CLIC5: variants seen among roughly 807,000 people sequenced by gnomAD.
CLIC5 encodes CLIC family member 5, also known as chloride intracellular channel protein 5.
In CLIC5, 20 loss-of-function variants were observed where a neutral mutation model predicts 24.7. The observed-to-expected ratio is 0.81, with a 90% CI of 0.57 to 1.18. The LOEUF is 1.18. Ranked by LOEUF, CLIC5 falls within the 50% of genes most tolerant of loss-of-function variation. The probability of loss-of-function intolerance (pLI) is 0.00; values close to 1 mark genes in which losing one functional copy is unlikely to be tolerated. For missense variants in CLIC5, 341 were observed against 326.1 expected (o/e 1.05, Z -0.35); for synonymous variants, 159 against 135.6 (o/e 1.17, Z -1.20).
At chr6:46,114,097 C>A in the CLIC5 span, among the ~76,000 whole-genome samples, 1 of 152,180 alleles carries the variant, frequency 6.6e-6, no homozygotes, top group Non-Finnish European at 1.5e-5. Context: ...AAAGATGAGG[C>A]AGAATGGGCT....
intron 1 of CLIC5, among the ~76,000 whole-genome samples, chr6:46,077,594 T>G (rs952460956): frequency 6.6e-6 from 1 of 152,048 alleles, no homozygotes; most frequent in Admixed American, 6.6e-5. Context: ...GTAAGGAACT[T>G]CAGTGAAGAT....
intron 1 of CLIC5, among the ~76,000 whole-genome samples, chr6:46,004,877 C>A (rs1766494283): frequency 6.6e-6 from 1 of 152,202 alleles, no homozygotes; most frequent in Non-Finnish European, 1.5e-5. Flanking sequence ...GGGCCAAGGA[C>A]ATATGGCTCC....
At chr6:45,984,362 T>C (rs964468663) in intron 1 of CLIC5, among the ~76,000 whole-genome samples, 13 of 152,218 alleles carry the variant, frequency 8.5e-5, no homozygotes, top group African/African-American at 2.9e-4. Flanking sequence ...GGACTCACCA[T>C]GTTGGGGTGG....
At chr6:45,961,970 G>T (rs1166266559) in intron 1 of CLIC5, among the ~76,000 whole-genome samples, 1 of 151,448 alleles carries the variant, frequency 6.6e-6, no homozygotes, top group African/African-American at 2.4e-5. Flanking sequence ...AAGAATTCTA[G>T]GTATATTGGT....
At chr6:45,956,582 C>G in intron 1 of CLIC5, among the ~76,000 whole-genome samples, 1 of 151,524 alleles carries the variant, frequency 6.6e-6, no homozygotes. Flanking sequence ...GATGGGGAGG[C>G]AGCGATGCCT....
chr6:45,881,082 T>A, exon 7 of CLIC5: 2 of 398,420 alleles, frequency 5.0e-6, no homozygotes, highest in Non-Finnish European at 8.9e-6. Context: ...ATTTAGAAAT[T>A]TCAGTAGAAA....
intron 1 of CLIC5, among the ~76,000 whole-genome samples, chr6:46,078,180 C>T (rs1762820728): frequency 2.0e-5 from 3 of 151,956 alleles, no homozygotes; most frequent in Admixed American, 1.3e-4. Flanking sequence ...GCCAACATGG[C>T]AAAACCCCAT....
chr6:45,975,503 T>A (rs536006890), intron 1 of CLIC5, among the ~76,000 whole-genome samples: 100 of 152,304 alleles, frequency 6.6e-4, no homozygotes, highest in South Asian at 5.4e-3. Context: ...ATAGATGGCA[T>A]CCTCAGTCCA....
chr6:46,058,631 T>G (rs1768328063), intron 1 of CLIC5, among the ~76,000 whole-genome samples: 1 of 152,226 alleles, frequency 6.6e-6, no homozygotes, highest in Non-Finnish European at 1.5e-5. Context: ...TCTGGGTGGC[T>G]GGGGACCAGA....
chr6:46,004,782 A>T (rs1461341555), intron 1 of CLIC5, among the ~76,000 whole-genome samples: 1 of 152,192 alleles, frequency 6.6e-6, no homozygotes, highest in Non-Finnish European at 1.5e-5. Flanking sequence ...CTTTCCCTAC[A>T]CAGCTCCCCT....
intron 3 of CLIC5, among the ~76,000 whole-genome samples, chr6:45,944,837 T>G (rs901962092): frequency 3.3e-5 from 5 of 152,218 alleles, no homozygotes; most frequent in Admixed American, 1.3e-4. Flanking sequence ...TGATGGCAGC[T>G]TAAGTGTTTT....
intron 2 of CLIC5, 43 bp from the exon 3 acceptor site, chr6:45,949,424 G>A (rs781355717): frequency 6.3e-7 from 1 of 1,593,222 alleles, no homozygotes; most frequent in Admixed American, 1.7e-5. Flanking sequence ...ACAGCAGGGT[G>A]CTTCCTGTTC....
At chr6:45,931,911 C>T (rs1158668211) in intron 4 of CLIC5, among the ~76,000 whole-genome samples, 3 of 152,090 alleles carry the variant, frequency 2.0e-5, no homozygotes, top group African/African-American at 4.8e-5. Flanking sequence ...CTGCCCACCT[C>T]GGCCTCCCAA....
At chr6:45,976,717 C>T (rs924696546) in intron 1 of CLIC5, among the ~76,000 whole-genome samples, 6 of 152,144 alleles carry the variant, frequency 3.9e-5, no homozygotes, top group Admixed American at 6.5e-5. Context: ...CTGGATCAAA[C>T]GTAGTGATTC....
intron 1 of CLIC5, among the ~76,000 whole-genome samples, chr6:46,033,893 A>T (rs770248801): frequency 1.3e-5 from 2 of 152,254 alleles, no homozygotes; most frequent in Non-Finnish European, 2.9e-5. Flanking sequence ...TTTTAAGAGT[A>T]AGCAGAGTAG....
intron 1 of CLIC5, among the ~76,000 whole-genome samples, chr6:46,004,533 G>C (rs1048993528): frequency 6.6e-6 from 1 of 152,180 alleles, no homozygotes; most frequent in African/African-American, 2.4e-5. Flanking sequence ...GAGTCCAAGT[G>C]GGGGAGACCA....
intron 5 of CLIC5, chr6:45,911,834 C>T (rs987070760): frequency 1.0e-6 from 1 of 985,520 alleles, no homozygotes; most frequent in Non-Finnish European, 1.2e-6. Context: ...AAGACCTGTG[C>T]ACCCTGGGCC....
upstream of CLIC5, among the ~76,000 whole-genome samples, chr6:46,017,181 A>T (rs1767041784): frequency 6.6e-6 from 1 of 152,064 alleles, no homozygotes; most frequent in South Asian, 2.1e-4. Flanking sequence ...ATAATTATTG[A>T]ATGTTTTGCA....
the CLIC5 span, among the ~76,000 whole-genome samples, chr6:46,113,013 G>A: frequency 2.7e-3 from 414 of 152,252 alleles, no homozygotes; most frequent in African/African-American, 8.8e-3. Flanking sequence ...CTGAGATGAT[G>A]CCACTGCATT....
Sources: allele counts gnomAD v4.1 joint callset (sites outside exome capture counted in the v4.1 genomes callset), GRCh38; gene constraint gnomAD v4.1.1; transcripts MANE v1.5; gene names NCBI Gene and HGNC (gene_info 2026-07-23, HGNC 2026-07-21).